Variants in DPP10 observed in about 807,000 individuals in gnomAD.
The protein encoded by DPP10 is inactive dipeptidyl peptidase 10.
A neutral mutation model predicts 120.9 loss-of-function variants in DPP10; 33 were observed. The ratio of observed to expected loss-of-function variants is 0.27; its 90% CI spans 0.21 to 0.37. The LOEUF (loss-of-function observed/expected upper bound fraction) is 0.37, where lower values mean the gene tolerates loss of function less well. DPP10 is among the 10% of genes least tolerant of loss of function. DPP10 has a pLI of 1.00. For missense variants in DPP10, 816 were observed against 942.8 expected, an observed-to-expected ratio of 0.87 and a Z score of 1.76; for synonymous variants, 337 against 326.1, an observed-to-expected ratio of 1.03 and a Z score of -0.36.
chr2:115,639,483 C>A (rs752689883), intron 5 of DPP10, among the ~76,000 whole-genome samples: 6 of 152,220 alleles, frequency 3.9e-5, no homozygotes, highest in South Asian at 4.1e-4. Context: ...GTGCAGTAGA[C>A]AAACATCTGT....
chr2:115,350,002 A>AAATAGAGTT (rs1432737271), intron 3 of DPP10, among the ~76,000 whole-genome samples: 7 of 152,112 alleles, frequency 4.6e-5, no homozygotes, highest in Admixed American at 4.6e-4. Context: ...TAGTTAAATA[A>AAATAGAGTT]AATAGAGTTG....
chr2:115,298,314 C>T (rs1024195571), intron 1 of DPP10, among the ~76,000 whole-genome samples: 4 of 151,976 alleles, frequency 2.6e-5, no homozygotes, highest in South Asian at 2.1e-4. Flanking sequence ...TTAGATCAAC[C>T]GTGTATGTAA....
intron 5 of DPP10, among the ~76,000 whole-genome samples, chr2:115,598,135 C>G (rs2083098150): frequency 6.6e-6 from 1 of 151,726 alleles, no homozygotes; most frequent in African/African-American, 2.4e-5. Flanking sequence ...TTCTCTGTGT[C>G]TTTGTATTTA....
chr2:114,771,880 T>G (rs914516631), intron 1 of DPP10, among the ~76,000 whole-genome samples: 1 of 152,096 alleles, frequency 6.6e-6, no homozygotes, highest in Non-Finnish European at 1.5e-5. Context: ...TTTAGATTTT[T>G]TTTTCCAAGG....
intron 1 of DPP10, among the ~76,000 whole-genome samples, chr2:115,035,189 T>A (rs1329324507): frequency 6.6e-6 from 1 of 152,200 alleles, no homozygotes; most frequent in Non-Finnish European, 1.5e-5. Flanking sequence ...AAACTCCTAC[T>A]TCAATCTTAA....
At position 114,950,914 on chromosome 2, in the gene DPP10, A is replaced by G. The variant is rs189333548; in HGVS notation, c.61-358325A>G. 1.2e-4 allele frequency among the ~76,000 whole-genome samples: 19 copies of G among 152,262 alleles called. No individual in the cohort carries two copies. The East Asian group carries it at 3.5e-3, about 28-fold the overall frequency. On this transcript the variant is annotated intron_variant, in intron 1 of 25. Transcript: ENST00000410059. ...TTTGGTAGGTTGGCCTAACATTTAC[A>G]TTTATGTCAATTCTTTGGACTATAA...
At chr2:115,715,357 A>AAT (rs2092459376) in intron 7 of DPP10, among the ~76,000 whole-genome samples, 1 of 150,586 alleles carries the variant, frequency 6.6e-6, no homozygotes, top group Non-Finnish European at 1.5e-5. Context: ...AAAAAAAAAA[A>AAT]AAAAAAGAAA....
chr2:114,829,680 C>T (rs1686906927), intron 1 of DPP10, among the ~76,000 whole-genome samples: 1 of 151,690 alleles, frequency 6.6e-6, no homozygotes, highest in African/African-American at 2.4e-5. Context: ...CCTGGCCGGA[C>T]GTTTTTTTTT....
At chr2:114,457,157 T>C (rs569663815) in intron 1 of DPP10, among the ~76,000 whole-genome samples, 1 of 152,334 alleles carries the variant, frequency 6.6e-6, no homozygotes, top group Admixed American at 6.5e-5. Context: ...CCTGCGTCTG[T>C]TGTATCTTAC....
At chr2:115,190,031 A>G (rs1318874023) in intron 1 of DPP10, among the ~76,000 whole-genome samples, 1 of 152,044 alleles carries the variant, frequency 6.6e-6, no homozygotes, top group Non-Finnish European at 1.5e-5. Flanking sequence ...TCATGAGGTA[A>G]ACTCCTCCGC....
intron 1 of DPP10, among the ~76,000 whole-genome samples, chr2:114,820,737 C>A (rs990685576): frequency 2.0e-5 from 3 of 152,132 alleles, no homozygotes; most frequent in African/African-American, 7.2e-5. Context: ...GGGGAACTGC[C>A]CCCGTAATCT....
At chr2:115,577,863 C>G (rs1490014281) in intron 5 of DPP10, among the ~76,000 whole-genome samples, 1 of 152,138 alleles carries the variant, frequency 6.6e-6, no homozygotes, top group Non-Finnish European at 1.5e-5. Context: ...ACTTACTTTT[C>G]TCTTTAAAGA....
At chr2:115,088,497 A>G (rs1307573976) in intron 1 of DPP10, among the ~76,000 whole-genome samples, 1 of 152,106 alleles carries the variant, frequency 6.6e-6, no homozygotes, top group East Asian at 1.9e-4. Context: ...CACCCAGGCT[A>G]GAATGCAGTG....
intron 5 of DPP10, among the ~76,000 whole-genome samples, chr2:115,623,875 A>G (rs1462894440): frequency 2.0e-5 from 3 of 150,170 alleles, no homozygotes; most frequent in Non-Finnish European, 2.9e-5. Context: ...TTCTGAAAAA[A>G]AAATTACATA....
chr2:115,840,778 A>G lies in DPP10; in HGVS notation c.2211A>G (p.Glu737=). ...DTKVHFQHSA[E]LIKHLIKAGV... Reference sequence around the variant, plus strand: ...AAGTTCATTTCCAACACTCAGCAGAATTAATCAAGCACCTAATAAAAGCTG... The same window carrying G: ...AAGTTCATTTCCAACACTCAGCAGAGTTAATCAAGCACCTAATAAAAGCTG... The change falls in exon 25 of 26, where the codon GAA becomes GAG. Residue 737 remains glutamate, a synonymous_variant. Coordinates refer to ENST00000410059, the MANE Select transcript of DPP10 (RefSeq NM_020868.6). The G allele has an allele frequency of 1.2e-6, 2 of 1,613,880 alleles. No individual in the cohort carries two copies. Among genetic ancestry groups the G allele is most frequent in the Non-Finnish European group, 1.7e-6 (2 of 1,179,904 alleles).
At chr2:114,697,267 A>G (rs1700121743) in intron 1 of DPP10, among the ~76,000 whole-genome samples, 1 of 152,072 alleles carries the variant, frequency 6.6e-6, no homozygotes. Context: ...TTTGGTGCAT[A>G]TTAGTAACTG....
chr2:114,927,812 A>G (rs1695750039), intron 1 of DPP10, among the ~76,000 whole-genome samples: 1 of 152,224 alleles, frequency 6.6e-6, no homozygotes, highest in Non-Finnish European at 1.5e-5. Context: ...ACTGGCATCC[A>G]TATGCTCAGC....
intron 5 of DPP10, among the ~76,000 whole-genome samples, chr2:115,557,707 T>C (rs1292069625): frequency 6.6e-6 from 1 of 152,168 alleles, no homozygotes; most frequent in Non-Finnish European, 1.5e-5. Context: ...AGCTCCATCA[T>C]GGATTACAAG....
chr2:114,746,919 A>G (rs1678633513), intron 1 of DPP10, among the ~76,000 whole-genome samples: 2 of 152,198 alleles, frequency 1.3e-5, no homozygotes, highest in Admixed American at 6.6e-5. Flanking sequence ...TCAATGAAAC[A>G]TTGTTTCTGA....
Sources: allele counts gnomAD v4.1 joint callset (sites outside exome capture counted in the v4.1 genomes callset), GRCh38; gene constraint gnomAD v4.1.1; transcripts MANE v1.5; gene names NCBI Gene and HGNC (gene_info 2026-07-23, HGNC 2026-07-21).